DNAH11: variants seen among roughly 807,000 people sequenced by gnomAD.
DNAH11 encodes dynein axonemal heavy chain 11, also known as axonemal beta dynein heavy chain 11.
Under a neutral mutation model 526.0 loss-of-function variants are expected in DNAH11, and 442 were observed. The observed-to-expected ratio is 0.84, with a 90% CI of 0.78 to 0.91. The LOEUF is 0.91. DNAH11 is among the 40% of genes least tolerant of loss of function. The pLI, the probability that DNAH11 is intolerant of heterozygous loss-of-function variation, is 0.00. For missense variants in DNAH11, 6,989 were observed against 5,448.7 expected (o/e 1.28, Z -8.90); for synonymous variants, 2,461 against 1,935.9 (o/e 1.27, Z -7.12).
At chr7:21,819,424 C>T (rs1450487966) in intron 65 of DNAH11, among the ~76,000 whole-genome samples, 1 of 152,102 alleles carries the variant, frequency 6.6e-6, no homozygotes, top group Admixed American at 6.6e-5. Context: ...CCAAAATTTA[C>T]CCAGGCACAC....
chr7:21,724,435 G>A (rs912942748), intron 44 of DNAH11, among the ~76,000 whole-genome samples: 1 of 152,216 alleles, frequency 6.6e-6, no homozygotes, highest in Non-Finnish European at 1.5e-5. Context: ...GGACGTCAAA[G>A]TAAAAGCAAG....
rs369196786 is a variant in DNAH11 at position 21,765,500 on chromosome 7, T to A, written c.9013T>A (p.Cys3005Ser). 1.2e-6 allele frequency: 2 copies of A among 1,613,924 alleles called. No individual in the cohort carries two copies. Among genetic ancestry groups the A allele is most frequent in the Admixed American group, 3.3e-5 (2 of 60,016 alleles). Reference protein sequence around the residue: ...RARKFPAIVNCTAIDWFHAWP... With the variant: ...RARKFPAIVNSTAIDWFHAWP... ...TCGGAAGTTCCCAGCCATAGTTAAC[T>A]GCACGGCTATTGACTGGTTTCATGC... The change falls in exon 55 of 82, where the codon TGC (cysteine) becomes AGC (serine). Residue 3005 changes from cysteine (C) to serine (S), a missense_variant. By Grantham distance (112) the Cys-to-Ser change is moderately radical. Transcript: ENST00000409508.
intron 62 of DNAH11, among the ~76,000 whole-genome samples, chr7:21,807,609 T>C (rs996251080): frequency 3.9e-5 from 6 of 152,130 alleles, no homozygotes; most frequent in Admixed American, 3.3e-4. Flanking sequence ...ACCTCAATCA[T>C]AATGGAAGAG....
In DNAH11 at chr7:21,681,436, AAG is replaced by A; in HGVS notation, c.5329-108_5329-107del. On this transcript the variant is annotated intron_variant, in intron 30 of 81. Transcript: ENST00000409508. ...AGTGAGACTCCATCTCAAAAAAAAA[AAG>A]AAATTGTTTTGCAAACTAAATCAGC... 3.2e-6 allele frequency: 4 copies of A among 1,234,770 alleles called. No homozygotes were observed. In the South Asian group the frequency reaches 6.0e-5, roughly 18 times the overall value. 76.5% of individuals were successfully genotyped at this position (1,234,770 alleles called of 1,614,324 possible).
chr7:21,650,091 T>C (rs1029148128), intron 28 of DNAH11, among the ~76,000 whole-genome samples: 1 of 152,182 alleles, frequency 6.6e-6, no homozygotes, highest in Non-Finnish European at 1.5e-5. Context: ...TCCAAAAGTT[T>C]ATTTTAAAAA....
intron 67 of DNAH11, 45 bp downstream of exon 67, chr7:21,852,676 G>C (rs368982358): frequency 6.6e-7 from 1 of 1,518,370 alleles, no homozygotes; most frequent in South Asian, 1.4e-5. Flanking sequence ...TGCTCTGTTC[G>C]AATGAGACAT....
chr7:21,873,840 G>A (rs1166045175), intron 74 of DNAH11, among the ~76,000 whole-genome samples: 2 of 126,748 alleles, frequency 1.6e-5, no homozygotes, highest in Non-Finnish European at 3.2e-5. Flanking sequence ...GCCCAGGCTG[G>A]AGTGCAGTGG....
Position 21,681,599 on chromosome 7 carries a change from A to T in DNAH11, c.5382A>T (p.Gly1794=). 6.2e-7 allele frequency: 1 copy of T among 1,613,830 alleles called. No individual in the cohort carries two copies. The highest frequency in any genetic ancestry group is 8.5e-7 in the Non-Finnish European group (1 of 1,179,752). ...ITLLLGELPP[G]DRQKIMTICT... ...TTTTGCTGGGAGAACTTCCACCTGG[A>T]GACAGACAGAAGATCATGACAATTT... Residue 1794 remains glycine (G), a synonymous_variant, in exon 31 of 82, where the codon GGA becomes GGT. Coordinates refer to ENST00000409508, the MANE Select transcript of DNAH11 (RefSeq NM_001277115.2).
intron 35 of DNAH11, among the ~76,000 whole-genome samples, chr7:21,695,282 C>A (rs556758739): frequency 1.3e-5 from 2 of 152,262 alleles, no homozygotes; most frequent in East Asian, 3.9e-4. Context: ...GCCCATATAG[C>A]CAAGACAATT....
Position 21,816,213 on chromosome 7 carries a change from G to T in DNAH11, c.10333-254G>T, listed in dbSNP as rs188526689. Reference sequence around the variant, plus strand: ...TAAGTGTGGGGCAAAGTCTCTCTCAGTTGAAGCCCAGTAGATGCAGTTGAT... The same window carrying T: ...TAAGTGTGGGGCAAAGTCTCTCTCATTTGAAGCCCAGTAGATGCAGTTGAT... On this transcript the variant is annotated intron_variant, in intron 63 of 81. Coordinates refer to ENST00000409508, the MANE Select transcript of DNAH11 (RefSeq NM_001277115.2). 4.9e-3 allele frequency among the ~76,000 whole-genome samples: 744 copies of T among 152,258 alleles called. 21 individuals are homozygous for T. The highest frequency in any genetic ancestry group is 0.042 in the Admixed American group (638 of 15,284).
At chr7:21,885,798 C>G (rs1303873946) in intron 76 of DNAH11, among the ~76,000 whole-genome samples, 1 of 152,150 alleles carries the variant, frequency 6.6e-6, no homozygotes. Context: ...TTCCTTCTCT[C>G]GTGAGGAAGA....
At chr7:21,627,881 A>T (rs1014710903) in intron 25 of DNAH11, among the ~76,000 whole-genome samples, 1 of 152,176 alleles carries the variant, frequency 6.6e-6, no homozygotes, top group African/African-American at 2.4e-5. Flanking sequence ...TTGTCATTTT[A>T]ACAATACTCT....
chr7:21,697,101 A>G (rs1424998997), intron 35 of DNAH11, among the ~76,000 whole-genome samples: 1 of 152,200 alleles, frequency 6.6e-6, no homozygotes, highest in Non-Finnish European at 1.5e-5. Context: ...GTATGCATGA[A>G]GTAGACTGCA....
At chr7:21,789,809 T>C (rs58951976) in intron 61 of DNAH11, among the ~76,000 whole-genome samples, 2,610 of 17,772 alleles carry the variant, frequency 0.15, 14 homozygotes, top group Non-Finnish European at 0.18. Context: ...TTCTTTCTTT[T>C]TTCTTTCTTT....
chr7:21,564,506 T>C, intron 6 of DNAH11, 109 bp downstream of exon 6: 1 of 751,780 alleles, frequency 1.3e-6, no homozygotes, highest in Non-Finnish European at 2.0e-6. Flanking sequence ...TCTTTCTTTT[T>C]CTTTTTTCAG....
intron 35 of DNAH11, among the ~76,000 whole-genome samples, chr7:21,692,196 G>GT (rs1340109451): frequency 6.6e-6 from 1 of 152,158 alleles, no homozygotes; most frequent in Non-Finnish European, 1.5e-5. Flanking sequence ...AGATAAAATT[G>GT]TAAGGTTTAT....
chr7:21,868,789 T>G (rs1783384730), intron 72 of DNAH11, 75 bp from the exon 73 acceptor site: 24 of 1,584,918 alleles, frequency 1.5e-5, no homozygotes, highest in Non-Finnish European at 2.1e-5. Flanking sequence ...AGATGTGCAT[T>G]AGACCACAGA....
chr7:21,543,389 G>A lies in DNAH11; in HGVS notation c.144G>A (p.Arg48=). The A allele has an allele frequency of 1.9e-6, 3 of 1,552,380 alleles. No homozygotes were observed. Among genetic ancestry groups the A allele is most frequent in the African/African-American group, 1.4e-5 (1 of 73,252 alleles). The part of the protein sequence containing the change: ...EEENEEEAAA[R]RARSFAQDAR... Reference sequence around the variant, plus strand: ...AGAACGAGGAGGAGGCGGCGGCCAGGAGAGCGCGGAGTTTCGCCCAAGACG... The same window carrying A: ...AGAACGAGGAGGAGGCGGCGGCCAGAAGAGCGCGGAGTTTCGCCCAAGACG... The change falls in exon 1 of 82, where the codon AGG becomes AGA. Residue 48 remains arginine, a synonymous_variant. Coordinates refer to ENST00000409508, the MANE Select transcript of DNAH11 (RefSeq NM_001277115.2).
chr7:21,553,331 G>A (rs7787020), intron 2 of DNAH11, among the ~76,000 whole-genome samples: 38,576 of 151,784 alleles, frequency 0.25, 5,264 homozygotes, highest in African/African-American at 0.35. Context: ...AGAGTGACCA[G>A]TTTGTTTTGG....
Sources: allele counts gnomAD v4.1 joint callset (sites outside exome capture counted in the v4.1 genomes callset), GRCh38; gene constraint gnomAD v4.1.1; transcripts MANE v1.5; gene names NCBI Gene and HGNC (gene_info 2026-07-23, HGNC 2026-07-21).